HECW2: variants seen among roughly 807,000 people sequenced by gnomAD.
The protein encoded by HECW2 is E3 ubiquitin-protein ligase HECW2.
HECW2 carries 61 observed loss-of-function variants against 175.2 expected under a neutral mutation model. The observed-to-expected ratio is 0.35, with a 90% CI of 0.28 to 0.43. The LOEUF is 0.43. Ranked by LOEUF, HECW2 falls within the 20% of genes least tolerant of loss-of-function variation. The probability of loss-of-function intolerance (pLI) is 1.00; values close to 1 mark genes in which losing one functional copy is unlikely to be tolerated. For synonymous variants in HECW2, 671 were observed against 731.0 expected, an observed-to-expected ratio of 0.92 and a Z score of 1.32; for missense variants, 1,524 against 2,000.5, an observed-to-expected ratio of 0.76 and a Z score of 4.54.
At chr2:196,269,433 C>G (rs975390305) in intron 17 of HECW2, 6 of 144,412 alleles carry the variant, frequency 4.2e-5, no homozygotes, top group Non-Finnish European at 8.9e-5. Flanking sequence ...TGCAGTGAAC[C>G]GAGATCGCAC....
In HECW2 at chr2:196,273,918, G is replaced by T. The variant is rs1689841140; in HGVS notation, c.3238+103C>A. On this transcript the variant is annotated intron_variant, in intron 16 of 28. Coordinates refer to ENST00000644978, the MANE Select transcript of HECW2 (RefSeq NM_001348768.2). Reference sequence around the variant, plus strand: ...ATAATGCAGCAATTTCTCAATATAGGGCAAAAAGTAGCAGGCTAACAACAG... The same window carrying T: ...ATAATGCAGCAATTTCTCAATATAGTGCAAAAAGTAGCAGGCTAACAACAG... The T allele has an allele frequency of 1.3e-5, 10 of 777,850 alleles. No homozygotes were observed. In the South Asian group the frequency reaches 1.5e-4, roughly 11 times the overall value. The allele number at this position is 777,850 out of a possible 1,614,324, so 48.2% of individuals were successfully genotyped here.
At chr2:196,444,412 A>G (rs971156247) in intron 1 of HECW2, among the ~76,000 whole-genome samples, 25 of 152,220 alleles carry the variant, frequency 1.6e-4, no homozygotes, top group African/African-American at 5.3e-4. Context: ...AGAGGTCATA[A>G]CTACAAATTC....
At chr2:196,211,619 A>T (rs1238888370) in intron 28 of HECW2, among the ~76,000 whole-genome samples, 1 of 152,186 alleles carries the variant, frequency 6.6e-6, no homozygotes, top group Non-Finnish European at 1.5e-5. Flanking sequence ...AGCGCTATCC[A>T]CTGCTACCGC....
At chr2:196,280,496 A>T (rs1690145945) in intron 14 of HECW2, among the ~76,000 whole-genome samples, 1 of 152,228 alleles carries the variant, frequency 6.6e-6, no homozygotes, top group South Asian at 2.1e-4. Context: ...ATGTACCAGA[A>T]AACAAAGCAG....
intron 2 of HECW2, among the ~76,000 whole-genome samples, chr2:196,432,152 G>A (rs931179802): frequency 6.6e-6 from 1 of 152,026 alleles, no homozygotes; most frequent in Non-Finnish European, 1.5e-5. Flanking sequence ...AAACCTTGCC[G>A]AATGTCCTCT....
intron 17 of HECW2, chr2:196,258,119 A>G: frequency 1.9e-6 from 1 of 537,210 alleles, no homozygotes. Context: ...TCCCAGTTCT[A>G]ATGTTGTGGG....
At chr2:196,541,403 C>T (rs577209168) in intron 1 of HECW2, among the ~76,000 whole-genome samples, 7 of 152,034 alleles carry the variant, frequency 4.6e-5, no homozygotes, top group East Asian at 1.9e-4. Context: ...TAGTAAAAGG[C>T]GGGTAACTAA....
intron 1 of HECW2, among the ~76,000 whole-genome samples, chr2:196,573,485 A>G (rs894160159): frequency 2.6e-5 from 4 of 152,102 alleles, no homozygotes; most frequent in African/African-American, 9.7e-5. Flanking sequence ...GCACTCTGGC[A>G]GAGTGCATGG....
At chr2:196,253,165 A>G (rs1233559506) in intron 19 of HECW2, among the ~76,000 whole-genome samples, 2 of 152,232 alleles carry the variant, frequency 1.3e-5, no homozygotes, top group Admixed American at 1.3e-4. Context: ...CATGTTATAT[A>G]CCAAAGAACA....
chr2:196,215,506 AT>A (rs1687445667), intron 28 of HECW2, among the ~76,000 whole-genome samples: 1 of 152,182 alleles, frequency 6.6e-6, no homozygotes, highest in South Asian at 2.1e-4. Context: ...TACAACGGTA[AT>A]TTTTACTGAA....
In HECW2 at chr2:196,421,375, G is replaced by A. The variant is rs532638585; in HGVS notation, c.292+11757C>T. Among the ~76,000 whole-genome samples, 9 of 152,170 alleles carry A rather than the reference G, an allele frequency of 5.9e-5. No individual in the cohort carries two copies. The East Asian group carries it at 1.5e-3, about 26-fold the overall frequency. On this transcript the variant is annotated intron_variant, in intron 2 of 28. Transcript: ENST00000644978. ...AAAGAATGGCTGAAAGTAAATTGAT[G>A]GGAAAAGATACACTAAGCAAAAACT...
chr2:196,367,329 C>T (rs185732224), intron 2 of HECW2, among the ~76,000 whole-genome samples: 31 of 152,182 alleles, frequency 2.0e-4, no homozygotes, highest in Non-Finnish European at 4.3e-4. Context: ...GGGTCTTAGG[C>T]GTTTGCATTT....
intron 1 of HECW2, among the ~76,000 whole-genome samples, chr2:196,497,514 A>G (rs1184192456): frequency 6.6e-6 from 1 of 152,206 alleles, no homozygotes; most frequent in Non-Finnish European, 1.5e-5. Flanking sequence ...ATGATAATGC[A>G]CTGTCGGGAT....
intron 1 of HECW2, among the ~76,000 whole-genome samples, chr2:196,488,989 A>T (rs1287627783): frequency 6.6e-6 from 1 of 152,186 alleles, no homozygotes; most frequent in African/African-American, 2.4e-5. Context: ...ACCTACACAT[A>T]CTATGCTATA....
intron 1 of HECW2, among the ~76,000 whole-genome samples, chr2:196,493,943 T>C (rs1326731926): frequency 1.3e-5 from 2 of 152,244 alleles, no homozygotes; most frequent in South Asian, 4.1e-4. Flanking sequence ...AACAGTCATA[T>C]AAGTAGATAC....
chr2:196,440,841 T>A (rs56676041), intron 1 of HECW2, among the ~76,000 whole-genome samples: 2,257 of 152,074 alleles, frequency 0.015, 71 homozygotes, highest in African/African-American at 0.051. Flanking sequence ...CCAGGGTGAG[T>A]CTGTGCTGCA....
intron 17 of HECW2, among the ~76,000 whole-genome samples, chr2:196,268,270 A>G (rs1291811104): frequency 6.6e-6 from 1 of 152,266 alleles, no homozygotes; most frequent in African/African-American, 2.4e-5. Flanking sequence ...TTATCATGAC[A>G]GCATCTGCTT....
At chr2:196,279,581 T>G (rs2889155) in intron 14 of HECW2, among the ~76,000 whole-genome samples, 24,901 of 152,108 alleles carry the variant, frequency 0.16, 2,183 homozygotes, top group Middle Eastern at 0.23. Flanking sequence ...AGAATATTCT[T>G]TCTAAACACT....
intron 2 of HECW2, among the ~76,000 whole-genome samples, chr2:196,374,847 AAAG>A (rs907672824): frequency 2.6e-5 from 4 of 151,970 alleles, no homozygotes; most frequent in Non-Finnish European, 4.4e-5. Flanking sequence ...AAAAAAAAAA[AAAG>A]AAGCAAAGAC....
Sources: allele counts gnomAD v4.1 joint callset (sites outside exome capture counted in the v4.1 genomes callset), GRCh38; gene constraint gnomAD v4.1.1; transcripts MANE v1.5; gene names NCBI Gene and HGNC (gene_info 2026-07-23, HGNC 2026-07-21).